The following METTL16 variants were observed in gnomAD, a reference collection of about 807,000 sequenced individuals.
The protein encoded by METTL16 is RNA N(6)-adenosine-methyltransferase METTL16.
METTL16 carries 19 observed loss-of-function variants against 57.9 expected under a neutral mutation model. That is an observed-to-expected ratio of 0.33 (90% CI 0.23 to 0.48). METTL16 has a LOEUF of 0.48. Among genes scored for constraint, METTL16 ranks in the 20% least tolerant of loss-of-function variants. The probability of loss-of-function intolerance (pLI) is 0.99; values close to 1 mark genes in which losing one functional copy is unlikely to be tolerated. For synonymous variants in METTL16, 246 were observed against 255.6 expected (o/e 0.96, Z 0.36); for missense variants, 434 against 691.5 (o/e 0.63, Z 4.18).
intron 1 of METTL16, among the ~76,000 whole-genome samples, chr17:2,509,301 A>T (rs2067570037): frequency 6.6e-6 from 1 of 152,194 alleles, no homozygotes; most frequent in Non-Finnish European, 1.5e-5. Flanking sequence ...TACTGTTACT[A>T]CATTTTGCCC....
chr17:2,426,606 A>G (rs1339877321), intron 8 of METTL16, among the ~76,000 whole-genome samples: 1 of 150,830 alleles, frequency 6.6e-6, no homozygotes, highest in Non-Finnish European at 1.5e-5. Flanking sequence ...GCACGTGTCT[A>G]TAATCCCAGC....
chr17:2,474,907 G>GTC lies in METTL16; in HGVS notation c.329-1245_329-1244dup, dbSNP rs3029948. 1.3e-3 allele frequency among the ~76,000 whole-genome samples: 192 copies of GTC among 149,440 alleles called. 2 individuals carry two copies. Among genetic ancestry groups the GTC allele is most frequent in the East Asian group, 5.6e-3 (29 of 5,140 alleles). On this transcript the variant is annotated intron_variant, in intron 3 of 9. Transcript: ENST00000263092. ...TGCACTCCAGCCTAGGTGACATCAA[G>GTC]TCTCTCTCTCTCTCTCTCTCTCTTA...
intron 5 of METTL16, among the ~76,000 whole-genome samples, chr17:2,465,530 G>C (rs768563683): frequency 8.9e-4 from 106 of 118,954 alleles, no homozygotes; most frequent in Admixed American, 3.4e-3. Flanking sequence ...CTGGGCGACA[G>C]AGCAAGACTC....
At chr17:2,449,187 AG>A (rs2067050206) in intron 6 of METTL16, among the ~76,000 whole-genome samples, 1 of 152,184 alleles carries the variant, frequency 6.6e-6, no homozygotes, top group South Asian at 2.1e-4. Flanking sequence ...TAAAGGTGAA[AG>A]ATATTGAAGA....
Position 2,420,076 on chromosome 17 carries a change from T to C in METTL16, c.1583A>G (p.Asp528Gly). ...CLINVKKEVD[D>G]ALVEMHWVEG... ...AACCCAGTGCATCTCCACTAAGGCA[T>C]CGTCCACCTCCTTCTTAACGTTTAT... is the stretch of plus-strand genomic sequence containing the variant. Residue 528 changes from aspartate (D) to glycine (G), a missense_variant, in exon 10 of 10, where the codon GAT becomes GGT. By Grantham distance (94) the Asp-to-Gly change is moderately conservative (BLOSUM62 -1). This residue lies in a region of METTL16 where 26 missense variants were observed against 60.7 expected (regional missense o/e 0.43). Transcript: ENST00000263092. This position sits in a 1 kb window ranked among gnomAD's most constrained non-coding sequence, Gnocchi z 5.4. 6.2e-7 allele frequency: 1 copy of C among 1,614,224 alleles called. No homozygotes were observed. Among genetic ancestry groups the C allele is most frequent in the Non-Finnish European group, 8.5e-7 (1 of 1,180,042 alleles).
At chr17:2,425,195 A>G (rs533883550) in intron 8 of METTL16, among the ~76,000 whole-genome samples, 1 of 152,256 alleles carries the variant, frequency 6.6e-6, no homozygotes, top group Non-Finnish European at 1.5e-5. Context: ...ACACTAGTAC[A>G]TAGAAGCTGT....
rs1247734599 is a variant in METTL16 at position 2,420,073 on chromosome 17, G to A, written c.1586C>T (p.Ala529Val). The A allele has an allele frequency of 3.1e-6, 5 of 1,614,150 alleles. No homozygotes were observed. The highest frequency in any genetic ancestry group is 3.4e-6 in the Non-Finnish European group (4 of 1,180,030). The change falls in exon 10 of 10, where the codon GCC becomes GTC. Residue 529 changes from alanine to valine, a missense_variant. Ala to Val is a moderately conservative substitution (Grantham distance 64). Around this residue, in one of 5 missense-constraint regions of METTL16, gnomAD observed 26 missense variants for 60.7 expected, o/e 0.43. Coordinates refer to ENST00000263092, the MANE Select transcript of METTL16 (RefSeq NM_024086.4). This position sits in a 1 kb window ranked among gnomAD's most constrained non-coding sequence, Gnocchi z 5.4. ...CTCAACCCAGTGCATCTCCACTAAGGCATCGTCCACCTCCTTCTTAACGTT... is the reference window on the plus strand; with the variant it reads ...CTCAACCCAGTGCATCTCCACTAAGACATCGTCCACCTCCTTCTTAACGTT... ...LINVKKEVDD[A>V]LVEMHWVEGQ...
In METTL16 at chr17:2,473,517, C is replaced by T. The variant is rs781557116; in HGVS notation, c.469+7G>A. The T allele has an allele frequency of 4.0e-5, 64 of 1,608,228 alleles. No individual in the cohort carries two copies. The Middle Eastern group carries it at 6.6e-4, about 17-fold the overall frequency. On this transcript the variant is annotated splice_region_variant and intron_variant, in intron 4 of 9. Coordinates refer to ENST00000263092, the MANE Select transcript of METTL16 (RefSeq NM_024086.4). ...AAGTTTGGAGGCATTCATTCTGTGG[C>T]GCTAACCTTTTATGAGATCAGATAA...
At chr17:2,509,310 C>T (rs1038235012) in intron 1 of METTL16, among the ~76,000 whole-genome samples, 1 of 152,082 alleles carries the variant, frequency 6.6e-6, no homozygotes, top group African/African-American at 2.4e-5. Flanking sequence ...TACATTTTGC[C>T]CCTCACACTA....
At chr17:2,438,003 G>A in intron 8 of METTL16, 106 bp downstream of exon 8, 1 of 835,412 alleles carries the variant, frequency 1.2e-6, no homozygotes, top group South Asian at 1.4e-5. Context: ...TAAGCATTTG[G>A]GACAAACTTC....
intron 8 of METTL16, among the ~76,000 whole-genome samples, chr17:2,431,576 T>G (rs1429635011): frequency 6.6e-6 from 1 of 152,138 alleles, no homozygotes; most frequent in African/African-American, 2.4e-5. Context: ...ATGTTACCAG[T>G]TGACACCCAG....
chr17:2,467,518 C>T (rs553546291), intron 5 of METTL16, among the ~76,000 whole-genome samples: 6 of 152,118 alleles, frequency 3.9e-5, no homozygotes, highest in East Asian at 1.9e-4. Flanking sequence ...CTCTGCCTCC[C>T]GGGTTCTAGC....
chr17:2,463,515 G>A (rs887895046), intron 6 of METTL16, among the ~76,000 whole-genome samples: 71 of 152,146 alleles, frequency 4.7e-4, no homozygotes, highest in African/African-American at 1.5e-3. Flanking sequence ...AGGCTGGAGC[G>A]CAGTGGCATG....
At chr17:2,431,251 C>T (rs1457674639) in intron 8 of METTL16, among the ~76,000 whole-genome samples, 1 of 152,094 alleles carries the variant, frequency 6.6e-6, no homozygotes, top group African/African-American at 2.4e-5. Context: ...CCAGCCTTTT[C>T]GTGTAAATCA....
At chr17:2,445,698 A>G (rs2066989909) in intron 6 of METTL16, among the ~76,000 whole-genome samples, 1 of 152,076 alleles carries the variant, frequency 6.6e-6, no homozygotes, top group Non-Finnish European at 1.5e-5. Flanking sequence ...AGACAGGAGA[A>G]TTGCTTGAAC....
At chr17:2,465,344 C>T (rs1413592199) in intron 5 of METTL16, among the ~76,000 whole-genome samples, 1 of 151,020 alleles carries the variant, frequency 6.6e-6, no homozygotes, top group African/African-American at 2.4e-5. Flanking sequence ...GAGATTGAGA[C>T]CATCCTGGCT....
chr17:2,416,506 G>A lies in METTL16; in HGVS notation c.*3464C>T, dbSNP rs1348900283. The A allele has an allele frequency of 1.3e-5, 2 of 152,262 alleles. No individual in the cohort carries two copies. The highest frequency in any genetic ancestry group is 4.8e-5 in the African/African-American group (2 of 41,460). The allele number at this position is 152,262 out of a possible 1,614,324, so 9.4% of individuals were successfully genotyped here. On this transcript the variant is annotated 3_prime_UTR_variant, in exon 10 of 10. Transcript: ENST00000263092. Reference sequence around the variant, plus strand: ...GCTTAGGATGAGTTGAAAGGGTACTGCCAAAACGCGGCCCTGCCCAGGACA... The same window carrying A: ...GCTTAGGATGAGTTGAAAGGGTACTACCAAAACGCGGCCCTGCCCAGGACA...
chr17:2,431,400 T>G (rs1439105720), intron 8 of METTL16, among the ~76,000 whole-genome samples: 3 of 152,210 alleles, frequency 2.0e-5, no homozygotes, highest in Admixed American at 6.5e-5. Flanking sequence ...TGGCTTCTAG[T>G]TTAGGGCTAT....
chr17:2,427,606 T>C (rs140638116), intron 8 of METTL16, among the ~76,000 whole-genome samples: 1 of 152,062 alleles, frequency 6.6e-6, no homozygotes, highest in Non-Finnish European at 1.5e-5. Context: ...GTTTTTGGCA[T>C]GGGATTCTTT....
Sources: allele counts gnomAD v4.1 joint callset (sites outside exome capture counted in the v4.1 genomes callset), GRCh38; gene constraint gnomAD v4.1.1; regional missense constraint gnomAD v4.1.1; non-coding constraint Gnocchi (gnomAD v3.1); transcripts MANE v1.5; gene names NCBI Gene and HGNC (gene_info 2026-07-23, HGNC 2026-07-21).